Variants in PCDHGA3 observed in about 807,000 individuals in gnomAD.
The protein encoded by PCDHGA3 is protocadherin gamma subfamily A, 3, also known as protocadherin gamma-A3.
PCDHGA3 carries 40 observed loss-of-function variants against 58.5 expected under a neutral mutation model. That is an observed-to-expected ratio of 0.68 (90% CI 0.53 to 0.89). The LOEUF (loss-of-function observed/expected upper bound fraction) is 0.89. Among genes scored for constraint, PCDHGA3 ranks in the 40% least tolerant of loss-of-function variants. The pLI, the probability that PCDHGA3 is intolerant of heterozygous loss-of-function variation, is 0.00. For missense variants in PCDHGA3, 1,223 were observed against 1,195.9 expected (o/e 1.02, Z -0.33); for synonymous variants, 530 against 525.7 (o/e 1.01, Z -0.11).
intron 1 of PCDHGA3, chr5:141,389,699 C>T: frequency 1.2e-6 from 2 of 1,612,646 alleles, no homozygotes; most frequent in Non-Finnish European, 1.7e-6. Flanking sequence ...TGTCCTACCA[C>T]GTGCTGCAGG....
At chr5:141,422,009 G>C (rs1483710075) in intron 1 of PCDHGA3, 1 of 1,609,752 alleles carries the variant, frequency 6.2e-7, no homozygotes, top group Non-Finnish European at 8.5e-7. Flanking sequence ...TCCGGAACTC[G>C]GGTGCTGATG....
chr5:141,385,442 G>T, intron 1 of PCDHGA3: 1 of 1,450,070 alleles, frequency 6.9e-7, no homozygotes, highest in Non-Finnish European at 9.1e-7. Context: ...AGGTAAAAAT[G>T]AGTTTACCAG....
chr5:141,398,545 C>T (rs774657005), intron 1 of PCDHGA3: 2 of 1,613,768 alleles, frequency 1.2e-6, no homozygotes, highest in Non-Finnish European at 1.7e-6. Flanking sequence ...TTCCTTTGAG[C>T]TGCAAATAAG....
At position 141,363,034 on chromosome 5, in the gene PCDHGA3, A is replaced by T. The variant is rs1762782534; in HGVS notation, c.2424+16577A>T. On this transcript the variant is annotated intron_variant, in intron 1 of 3. Coordinates refer to ENST00000253812, the MANE Select transcript of PCDHGA3 (RefSeq NM_018916.4). ...GCATGGGTAGGACATTGTCCCATTG[A>T]CTTGAAGACCAACACTCAGTAAGCT... Among the ~76,000 whole-genome samples, 3 of 152,256 alleles carry T rather than the reference A, an allele frequency of 2.0e-5. No individual in the cohort carries two copies. In the South Asian group the frequency reaches 6.2e-4, roughly 31 times the overall value.
intron 1 of PCDHGA3, chr5:141,393,919 T>C: frequency 6.2e-7 from 1 of 1,613,992 alleles, no homozygotes; most frequent in Non-Finnish European, 8.5e-7. Flanking sequence ...ATTGCCTTCT[T>C]GAGTGTGCAT....
At position 141,472,368 on chromosome 5, in the gene PCDHGA3, C is replaced by T. The variant is rs555805048; in HGVS notation, c.2425-22439C>T. ...CATCCTGGCTAACACGGTGAAACCC[C>T]GTCTCCACTAAAAATAGAAAAAATT... is the stretch of plus-strand genomic sequence containing the variant. On this transcript the variant is annotated intron_variant, in intron 1 of 3. Transcript: ENST00000253812. Among the ~76,000 whole-genome samples, 214 of 152,012 alleles carry T rather than the reference C, an allele frequency of 1.4e-3. 1 individual carries two copies. The highest frequency in any genetic ancestry group is 4.8e-3 in the African/African-American group (199 of 41,452).
At chr5:141,350,024 A>T (rs943589040) in intron 1 of PCDHGA3, 1 of 371,568 alleles carries the variant, frequency 2.7e-6, no homozygotes, top group Non-Finnish European at 4.8e-6. Context: ...CAGTTTTCCA[A>T]GACAACCTCT....
intron 1 of PCDHGA3, chr5:141,387,776 A>G: frequency 6.9e-7 from 1 of 1,452,928 alleles, no homozygotes; most frequent in Non-Finnish European, 9.2e-7. Flanking sequence ...TTTTTCTTGA[A>G]CTGGAACTGC....
At chr5:141,412,890 T>G (rs2095584785) in intron 1 of PCDHGA3, 1 of 330,212 alleles carries the variant, frequency 3.0e-6, no homozygotes, top group Non-Finnish European at 5.4e-6. Context: ...AACAGAATAG[T>G]TTACTTTCCA....
At chr5:141,380,091 G>A (rs538586012) in intron 1 of PCDHGA3, among the ~76,000 whole-genome samples, 1 of 151,688 alleles carries the variant, frequency 6.6e-6, no homozygotes, top group African/African-American at 2.4e-5. Context: ...GTAGAGATGG[G>A]GTTTTACCAT....
At chr5:141,381,099 T>C (rs1284355665) in intron 1 of PCDHGA3, among the ~76,000 whole-genome samples, 1 of 152,230 alleles carries the variant, frequency 6.6e-6, no homozygotes, top group East Asian at 1.9e-4. Flanking sequence ...AAACAGAATG[T>C]CCTTCAAAGT....
chr5:141,461,773 C>T (rs894271810), intron 1 of PCDHGA3, among the ~76,000 whole-genome samples: 3 of 152,108 alleles, frequency 2.0e-5, no homozygotes, highest in Non-Finnish European at 4.4e-5. Context: ...CCTGCCTCAG[C>T]CTCCCAAGTA....
chr5:141,422,811 C>T (rs748248571), intron 1 of PCDHGA3: 1 of 1,614,248 alleles, frequency 6.2e-7, no homozygotes, highest in Non-Finnish European at 8.5e-7. Context: ...AGTTTCGAGA[C>T]TTAGAACTGA....
At position 141,431,307 on chromosome 5, in the gene PCDHGA3, A is replaced by G. The variant is rs1332508283; in HGVS notation, c.2425-63500A>G. On this transcript the variant is annotated intron_variant, in intron 1 of 3. Transcript: ENST00000253812. This position sits in a 1 kb window ranked among gnomAD's most constrained non-coding sequence, Gnocchi z 4.8. ...AACACTCACTTCTCCCTCATCGTGC[A>G]AAATGGAGCCGACGGTAGTAAGTAC... 3.7e-6 allele frequency: 6 copies of G among 1,614,002 alleles called. No homozygotes were observed. The African/African-American group carries it at 4.0e-5, about 11-fold the overall frequency.
intron 1 of PCDHGA3, chr5:141,365,394 C>G (rs1245270195): frequency 6.2e-7 from 1 of 1,613,942 alleles, no homozygotes; most frequent in Admixed American, 1.7e-5. Context: ...CTGACCAGTT[C>G]GATCTCTGAA....
chr5:141,477,573 C>T lies in PCDHGA3; in HGVS notation c.2425-17234C>T, dbSNP rs1593790046. The T allele has an allele frequency of 6.2e-7, 1 of 1,614,056 alleles. No individual in the cohort carries two copies. Among genetic ancestry groups the T allele is most frequent in the South Asian group, 1.1e-5 (1 of 91,086 alleles). ...AACCTAAGTGTCTGGGACCCCGACGCCCCGCAGAATGCTCGGCTTTCTTTC... is the reference window on the plus strand; with the variant it reads ...AACCTAAGTGTCTGGGACCCCGACGTCCCGCAGAATGCTCGGCTTTCTTTC... On this transcript the variant is annotated intron_variant, in intron 1 of 3. Coordinates refer to ENST00000253812, the MANE Select transcript of PCDHGA3 (RefSeq NM_018916.4). This position sits in a 1 kb window ranked among gnomAD's most constrained non-coding sequence, Gnocchi z 4.9.
intron 1 of PCDHGA3, chr5:141,409,987 C>T: frequency 3.1e-6 from 5 of 1,613,288 alleles, no homozygotes; most frequent in Non-Finnish European, 4.2e-6. Context: ...TAGCGGTGGA[C>T]GCCGACTCGG....
At chr5:141,472,046 A>T (rs945911971) in intron 1 of PCDHGA3, among the ~76,000 whole-genome samples, 4 of 152,210 alleles carry the variant, frequency 2.6e-5, no homozygotes, top group Non-Finnish European at 4.4e-5. Context: ...AAAAGATTTT[A>T]AAAATGATTG....
Position 141,419,737 on chromosome 5 carries a change from G to A in PCDHGA3, c.2424+73280G>A, listed in dbSNP as rs201663350. 29 of 1,613,836 alleles carry A rather than the reference G, an allele frequency of 1.8e-5. No individual in the cohort carries two copies. In the African/African-American group the frequency reaches 3.6e-4, roughly 20 times the overall value. ...GCCTGGGGCTGCGAACAGGCGAGGTGCGCATGGTGCGTGCTTTGGGTGACA... is the reference window on the plus strand; with the variant it reads ...GCCTGGGGCTGCGAACAGGCGAGGTACGCATGGTGCGTGCTTTGGGTGACA... On this transcript the variant is annotated intron_variant, in intron 1 of 3. Transcript: ENST00000253812.
Sources: gnomAD v4.1 joint callset for allele counts (sites outside exome capture counted in the v4.1 genomes callset) on GRCh38, gnomAD v4.1.1 for gene constraint, Gnocchi (gnomAD v3.1) non-coding constraint, MANE v1.5 for transcripts, NCBI Gene and HGNC (gene_info 2026-07-23, HGNC 2026-07-21) for gene names.